Variants in FGD4 observed in about 807,000 individuals in gnomAD.
The protein encoded by FGD4 is FYVE, RhoGEF and PH domain-containing protein 4.
A neutral mutation model predicts 102.0 loss-of-function variants in FGD4; 42 were observed. The observed-to-expected ratio is 0.41, with a 90% CI of 0.32 to 0.53. The LOEUF (loss-of-function observed/expected upper bound fraction) is 0.53. FGD4 is among the 20% of genes least tolerant of loss of function. The pLI is 0.21. For missense variants in FGD4, 902 were observed against 1,078.2 expected, an observed-to-expected ratio of 0.84 and a Z score of 2.29; for synonymous variants, 380 against 375.7, an observed-to-expected ratio of 1.01 and a Z score of -0.13.
chr12:32,541,436 G>A (rs1440658994), intron 1 of FGD4, among the ~76,000 whole-genome samples: 1 of 152,076 alleles, frequency 6.6e-6, no homozygotes, highest in Non-Finnish European at 1.5e-5. Flanking sequence ...GCTCAGTCTC[G>A]GCTCACTGCA....
chr12:32,558,961 C>G (rs1010833481), intron 1 of FGD4, among the ~76,000 whole-genome samples: 3 of 152,192 alleles, frequency 2.0e-5, no homozygotes, highest in Non-Finnish European at 4.4e-5. Context: ...AATCGGATAC[C>G]TCTCCTTCCC....
intron 11 of FGD4, among the ~76,000 whole-genome samples, chr12:32,621,582 T>C (rs1283052414): frequency 2.0e-5 from 3 of 152,360 alleles, no homozygotes; most frequent in Non-Finnish European, 4.4e-5. Context: ...AACAGGAATC[T>C]GTGCCCAGGG....
chr12:32,593,322 C>T (rs546261245), intron 4 of FGD4, among the ~76,000 whole-genome samples: 21 of 152,206 alleles, frequency 1.4e-4, no homozygotes, highest in Admixed American at 2.0e-4. Context: ...ACAATTAGTC[C>T]GTGATTTACT....
chr12:32,427,946 C>T (rs1479295436), intron 1 of FGD4, among the ~76,000 whole-genome samples: 1 of 152,122 alleles, frequency 6.6e-6, no homozygotes, highest in Non-Finnish European at 1.5e-5. Flanking sequence ...TATTTTGAGC[C>T]TATGCGTGTC....
At chr12:32,539,335 T>C (rs1025372680) in intron 1 of FGD4, among the ~76,000 whole-genome samples, 1 of 152,138 alleles carries the variant, frequency 6.6e-6, no homozygotes, top group Non-Finnish European at 1.5e-5. Context: ...ATTGGGAGGC[T>C]GAGGTGGGTG....
At chr12:32,534,859 A>G (rs11052056) in intron 1 of FGD4, among the ~76,000 whole-genome samples, 7,769 of 152,282 alleles carry the variant, frequency 0.051, 280 homozygotes, top group South Asian at 0.1. Flanking sequence ...ATGTTAAGAA[A>G]TATTTACCAC....
chr12:32,644,537 C>G lies in FGD4; in HGVS notation c.*4004C>G, dbSNP rs569741105. ...CATGGATCTTTATGTATAATTCATCCTTATATATACCCCTTAATCACGTAG... is the reference window on the plus strand; with the variant it reads ...CATGGATCTTTATGTATAATTCATCGTTATATATACCCCTTAATCACGTAG... On this transcript the variant is annotated 3_prime_UTR_variant, in exon 17 of 17. Coordinates refer to ENST00000534526, the MANE Select transcript of FGD4 (RefSeq NM_001370298.3). The G allele has an allele frequency of 2.6e-5, 4 of 152,020 alleles. No homozygotes were observed. In the South Asian group the frequency reaches 8.3e-4, roughly 32 times the overall value. 9.4% of individuals were successfully genotyped at this position (152,020 alleles called of 1,614,324 possible). A position where few individuals can be genotyped will look rare whatever the true frequency, so the allele number is the denominator to read the frequency against.
intron 1 of FGD4, among the ~76,000 whole-genome samples, chr12:32,438,707 G>A (rs938255414): frequency 6.6e-6 from 1 of 151,504 alleles, no homozygotes; most frequent in Non-Finnish European, 1.5e-5. Flanking sequence ...CCGGGTTCAC[G>A]CCAATATCCT....
intron 1 of FGD4, among the ~76,000 whole-genome samples, chr12:32,552,972 T>G (rs1943818528): frequency 6.7e-6 from 1 of 149,998 alleles, no homozygotes; most frequent in Admixed American, 6.7e-5. Context: ...TTTTGTATTT[T>G]TAGTAGAGAC....
At position 32,611,301 on chromosome 12, in the gene FGD4, G is replaced by A; in HGVS notation, c.1749+18G>A. 1 of 1,613,932 alleles carries A rather than the reference G, an allele frequency of 6.2e-7. No homozygotes were observed. The highest frequency in any genetic ancestry group is 8.5e-7 in the Non-Finnish European group (1 of 1,179,890). ...TTTTCTTAGTGAGTATTATAGTGTTGGCAAGTCATATAAGAATTATATATA... is the reference window on the plus strand; with the variant it reads ...TTTTCTTAGTGAGTATTATAGTGTTAGCAAGTCATATAAGAATTATATATA... On this transcript the variant is annotated intron_variant, in intron 10 of 16. Transcript: ENST00000534526.
chr12:32,452,016 G>C (rs1942792232), intron 1 of FGD4, among the ~76,000 whole-genome samples: 1 of 152,024 alleles, frequency 6.6e-6, no homozygotes, highest in Non-Finnish European at 1.5e-5. Context: ...TATTCTATGC[G>C]CTTACCCTAA....
intron 1 of FGD4, among the ~76,000 whole-genome samples, chr12:32,554,584 A>C (rs1290707089): frequency 6.6e-6 from 1 of 152,220 alleles, no homozygotes; most frequent in Non-Finnish European, 1.5e-5. Flanking sequence ...AAAACTGACA[A>C]TAAACAATAA....
chr12:32,486,051 C>T, intron 1 of FGD4: 4 of 1,495,510 alleles, frequency 2.7e-6, no homozygotes, highest in Non-Finnish European at 3.5e-6. Context: ...TTTCTACCAA[C>T]AAATTATGGA....
intron 1 of FGD4, among the ~76,000 whole-genome samples, chr12:32,461,112 GA>G (rs1943094680): frequency 6.6e-6 from 1 of 152,126 alleles, no homozygotes; most frequent in Admixed American, 6.5e-5. Flanking sequence ...TCATCATGTT[GA>G]AAGTTAATAT....
At chr12:32,443,751 AT>A (rs1942524523) in intron 1 of FGD4, among the ~76,000 whole-genome samples, 1 of 150,860 alleles carries the variant, frequency 6.6e-6, no homozygotes, top group Admixed American at 6.6e-5. Flanking sequence ...GGATATCACT[AT>A]GTTGCCCAGG....
At chr12:32,598,638 T>A in intron 5 of FGD4, 52 bp downstream of exon 5, 1 of 1,428,206 alleles carries the variant, frequency 7.0e-7, no homozygotes, top group Non-Finnish European at 9.9e-7. Context: ...ATACATCATT[T>A]TAACCTAGTA....
rs1951266979 is a variant in FGD4 at position 32,643,561 on chromosome 12, A to T, written c.*3028A>T. ...ACATCAGGTTTGTGTACTTATCTTC[A>T]CTAGGTGACTTAACTTACCCCAATT... is the stretch of plus-strand genomic sequence containing the variant. On this transcript the variant is annotated 3_prime_UTR_variant, in exon 17 of 17. Coordinates refer to ENST00000534526, the MANE Select transcript of FGD4 (RefSeq NM_001370298.3). 6.6e-6 allele frequency: 1 copy of T among 152,048 alleles called. No homozygotes were observed. The highest frequency in any genetic ancestry group is 2.1e-4 in the South Asian group (1 of 4,836). 9.4% of individuals were successfully genotyped at this position (152,048 alleles called of 1,614,324 possible).
chr12:32,527,472 C>G (rs982208474), intron 1 of FGD4, among the ~76,000 whole-genome samples: 1 of 152,080 alleles, frequency 6.6e-6, no homozygotes, highest in Non-Finnish European at 1.5e-5. Context: ...CTTTGTTGTC[C>G]AGGCTGGAGC....
At chr12:32,432,419 C>A (rs1467923780) in intron 1 of FGD4, among the ~76,000 whole-genome samples, 1 of 151,544 alleles carries the variant, frequency 6.6e-6, no homozygotes, top group Non-Finnish European at 1.5e-5. Flanking sequence ...ATTTCGAGAC[C>A]AGCCTGGCCA....
Sources: allele counts gnomAD v4.1 joint callset (sites outside exome capture counted in the v4.1 genomes callset), GRCh38; gene constraint gnomAD v4.1.1; transcripts MANE v1.5; gene names NCBI Gene and HGNC (gene_info 2026-07-23, HGNC 2026-07-21).